JAK2: variants seen among roughly 807,000 people sequenced by gnomAD.
JAK2 encodes Janus kinase 2.
A neutral mutation model predicts 139.3 loss-of-function variants in JAK2; 86 were observed. The observed-to-expected ratio is 0.62, with a 90% CI of 0.52 to 0.74. The LOEUF is 0.74. Ranked by LOEUF, JAK2 falls within the 30% of genes least tolerant of loss-of-function variation. The pLI is 0.00. For synonymous variants in JAK2, 490 were observed against 437.7 expected (o/e 1.12, Z -1.49); for missense variants, 1,421 against 1,360.3 (o/e 1.04, Z -0.70).
chr9:5,027,719 G>A (rs1587844196), intron 3 of JAK2, among the ~76,000 whole-genome samples: 1 of 152,174 alleles, frequency 6.6e-6, no homozygotes, highest in Admixed American at 6.5e-5. Flanking sequence ...TAAATCCTTT[G>A]TTGTCATTTC....
chr9:5,111,460 G>T, intron 22 of JAK2: 1 of 390,006 alleles, frequency 2.6e-6, no homozygotes, highest in Admixed American at 3.4e-5. Context: ...CATCCTCGGC[G>T]TACCTGCCCA....
chr9:5,034,806 C>G (rs1300161993), intron 4 of JAK2, among the ~76,000 whole-genome samples: 1 of 152,100 alleles, frequency 6.6e-6, no homozygotes. Flanking sequence ...AATTGACACC[C>G]TAACATCACA....
Position 5,069,040 on chromosome 9 carries a change from T to C in JAK2, c.1345T>C (p.Tyr449His). Residue 449 changes from tyrosine to histidine, a missense_variant, in exon 11 of 25, where the codon TAT becomes CAT. Transcript: ENST00000381652. ...TATACAGCGAGAAAATGTCATTGAATATAAACACTGTTTGATTACAAAAAA... is the reference window on the plus strand; with the variant it reads ...TATACAGCGAGAAAATGTCATTGAACATAAACACTGTTTGATTACAAAAAA... ...FAVERENVIE[Y>H]KHCLITKNEN... is the part of the protein sequence containing the mutation. The C allele has an allele frequency of 6.3e-7, 1 of 1,594,294 alleles. No homozygotes were observed. Among genetic ancestry groups the C allele is most frequent in the East Asian group, 2.2e-5 (1 of 44,502 alleles).
intron 3 of JAK2, among the ~76,000 whole-genome samples, chr9:5,025,483 T>C (rs1228769149): frequency 6.6e-6 from 1 of 152,012 alleles, no homozygotes; most frequent in South Asian, 2.1e-4. Flanking sequence ...TCTGTCTCTT[T>C]CTTGCTCCTT....
intron 4 of JAK2, among the ~76,000 whole-genome samples, chr9:5,042,667 C>G (rs1040479358): frequency 1.3e-5 from 2 of 152,154 alleles, no homozygotes; most frequent in African/African-American, 4.8e-5. Context: ...AGGCCGTTTT[C>G]TCAGTGGGAG....
chr9:5,053,558 T>A (rs544557009), intron 6 of JAK2, among the ~76,000 whole-genome samples: 1 of 152,164 alleles, frequency 6.6e-6, no homozygotes, highest in South Asian at 2.1e-4. Context: ...CATGGATGTC[T>A]TTCTTGGTTT....
At chr9:5,080,142 A>G in intron 16 of JAK2, 87 bp from the exon 17 acceptor site, 2 of 1,052,540 alleles carry the variant, frequency 1.9e-6, no homozygotes, top group Middle Eastern at 2.3e-4. Context: ...GATTATTCAA[A>G]TGATTTGAAC....
chr9:4,988,844 C>A lies in JAK2; in HGVS notation c.-26+2822C>A, dbSNP rs140116051. 3.3e-3 allele frequency among the ~76,000 whole-genome samples: 498 copies of A among 152,294 alleles called. 2 individuals are homozygous for A. Among genetic ancestry groups the A allele is most frequent in the African/African-American group, 0.011 (476 of 41,564 alleles). On this transcript the variant is annotated intron_variant, in intron 2 of 24. Transcript: ENST00000381652. ...CTTAATTTTCTTCTAATCATGTAGG[C>A]TTTAAATTAGGCATCATCTTTAAAC...
intron 22 of JAK2, chr9:5,099,100 C>G: frequency 6.6e-6 from 1 of 152,178 alleles, no homozygotes; most frequent in East Asian, 1.9e-4. Context: ...AATACCCATC[C>G]ATATATTAAT....
At chr9:5,111,972 G>T in intron 22 of JAK2, 4 of 352,272 alleles carry the variant, frequency 1.1e-5, no homozygotes, top group Non-Finnish European at 2.3e-5. Context: ...CTCCACCGCC[G>T]TGGGCTCCCC....
chr9:5,081,747 T>C lies in JAK2; in HGVS notation c.2457T>C (p.Asn819=). 3 of 1,598,092 alleles carry C rather than the reference T, an allele frequency of 1.9e-6. No homozygotes were observed. Among genetic ancestry groups the C allele is most frequent in the Middle Eastern group, 3.3e-4 (2 of 6,032 alleles). ...CAGATTATGAACTATTAACAGAAAA[T>C]GACATGTTACCAAATATGAGGATAG... ...FTPDYELLTE[N]DMLPNMRIGA... is the part of the protein sequence containing the mutation. The change falls in exon 19 of 25, where the codon AAT becomes AAC. Residue 819 remains asparagine, a synonymous_variant. Transcript: ENST00000381652.
At chr9:4,988,784 C>T (rs530995168) in intron 2 of JAK2, among the ~76,000 whole-genome samples, 16 of 152,236 alleles carry the variant, frequency 1.1e-4, no homozygotes, top group East Asian at 5.8e-4. Context: ...CCTTAAACTC[C>T]GAATGCCCCA....
At chr9:5,021,278 T>C (rs1822411248) in intron 2 of JAK2, among the ~76,000 whole-genome samples, 1 of 152,230 alleles carries the variant, frequency 6.6e-6, no homozygotes, top group African/African-American at 2.4e-5. Context: ...CTCGCTATTT[T>C]GGTTCTTCTT....
At chr9:5,016,254 G>A (rs1477582573) in intron 2 of JAK2, among the ~76,000 whole-genome samples, 1 of 152,232 alleles carries the variant, frequency 6.6e-6, no homozygotes, top group East Asian at 1.9e-4. Context: ...TGACTGACTG[G>A]ATCTGCATCG....
intron 22 of JAK2, chr9:5,094,874 G>A (rs1175595378): frequency 6.6e-6 from 1 of 152,010 alleles, no homozygotes; most frequent in Admixed American, 6.6e-5. Context: ...TTTAACCACC[G>A]TTTTTATGAA....
At chr9:5,020,060 G>C (rs553088423) in intron 2 of JAK2, among the ~76,000 whole-genome samples, 1 of 152,276 alleles carries the variant, frequency 6.6e-6, no homozygotes, top group East Asian at 1.9e-4. Context: ...TGATGGGCTG[G>C]GCAGCTGAGT....
chr9:5,117,004 A>AT (rs780889905), intron 22 of JAK2, among the ~76,000 whole-genome samples: 1 of 152,244 alleles, frequency 6.6e-6, no homozygotes, highest in Non-Finnish European at 1.5e-5. Context: ...CATGAATGGG[A>AT]TTAAGGCCCT....
chr9:5,035,661 TC>T (rs1823530932), intron 4 of JAK2, among the ~76,000 whole-genome samples: 1 of 151,920 alleles, frequency 6.6e-6, no homozygotes, highest in African/African-American at 2.4e-5. Flanking sequence ...GCAGAAAAGG[TC>T]TTTGGCAAAA....
At chr9:5,046,879 G>A (rs1459965801) in intron 5 of JAK2, among the ~76,000 whole-genome samples, 1 of 152,022 alleles carries the variant, frequency 6.6e-6, no homozygotes, top group Non-Finnish European at 1.5e-5. Flanking sequence ...ATATTTTGGG[G>A]GTAGGCTAGT....
Sources: allele counts gnomAD v4.1 joint callset (sites outside exome capture counted in the v4.1 genomes callset), GRCh38; gene constraint gnomAD v4.1.1; transcripts MANE v1.5; gene names NCBI Gene and HGNC (gene_info 2026-07-23, HGNC 2026-07-21).